ALDH6A1: variants seen among roughly 807,000 people sequenced by gnomAD.
ALDH6A1 encodes the protein methylmalonate-semialdehyde/malonate-semialdehyde dehydrogenase [acylating], mitochondrial.
In ALDH6A1, 43 loss-of-function variants were observed where a neutral mutation model predicts 62.6. That is an observed-to-expected ratio of 0.69 (90% CI 0.54 to 0.89). The LOEUF is 0.89. ALDH6A1 is among the 40% of genes least tolerant of loss of function. The pLI, the probability that ALDH6A1 is intolerant of heterozygous loss-of-function variation, is 0.00. For synonymous variants in ALDH6A1, 194 were observed against 234.2 expected (o/e 0.83, Z 1.57); for missense variants, 551 against 661.3 (o/e 0.83, Z 1.83).
chr14:74,073,989 A>AT (rs5809644), intron 2 of ALDH6A1, among the ~76,000 whole-genome samples: 137 of 144,576 alleles, frequency 9.5e-4, no homozygotes, highest in Admixed American at 1.5e-3. Context: ...ACTTTAACTA[A>AT]TTTTTTTTTT....
chr14:74,062,514 T>C (rs923726818), intron 11 of ALDH6A1, among the ~76,000 whole-genome samples: 1 of 152,040 alleles, frequency 6.6e-6, no homozygotes, highest in African/African-American at 2.4e-5. Context: ...GATACGAGAA[T>C]TGCTTGAACC....
chr14:74,079,426 ATTG>A (rs1328871963), intron 1 of ALDH6A1, among the ~76,000 whole-genome samples: 9 of 128,722 alleles, frequency 7.0e-5, no homozygotes, highest in African/African-American at 2.8e-4. Context: ...TTTTTTTCTT[ATTG>A]TTTTTTTTTT....
At chr14:74,074,860 T>C in intron 2 of ALDH6A1, 95 bp downstream of exon 2, 1 of 1,298,202 alleles carries the variant, frequency 7.7e-7, no homozygotes, top group South Asian at 1.2e-5. Flanking sequence ...AAGTTTCACA[T>C]ACACTCTGAT....
chr14:74,078,324 C>T lies in ALDH6A1; in HGVS notation c.49-3307G>A, dbSNP rs182022762. The T allele has an allele frequency of 9.8e-5, 44 of 450,584 alleles. No individual in the cohort carries two copies. The East Asian group carries it at 1.2e-3, about 12-fold the overall frequency. 27.9% of individuals were successfully genotyped at this position (450,584 alleles called of 1,614,324 possible). ...GAAAAGTGACCGAGACAGTGGTGCA[C>T]GATCAATATATGTGGACTGGATGAA... is the stretch of plus-strand genomic sequence containing the variant. On this transcript the variant is annotated intron_variant, in intron 1 of 11. Coordinates refer to ENST00000553458, the MANE Select transcript of ALDH6A1 (RefSeq NM_005589.4).
At chr14:74,080,057 A>C (rs550255995) in intron 1 of ALDH6A1, among the ~76,000 whole-genome samples, 1 of 151,648 alleles carries the variant, frequency 6.6e-6, no homozygotes, top group South Asian at 2.1e-4. Context: ...AAAACCAAAA[A>C]ACAAAAGCAA....
Position 74,057,060 on chromosome 14 carries a change from A to G in ALDH6A1, c.*3582T>C. 1 of 1,593,464 alleles carries G rather than the reference A, an allele frequency of 6.3e-7. No individual in the cohort carries two copies. The highest frequency in any genetic ancestry group is 8.6e-7 in the Non-Finnish European group (1 of 1,165,254). ...GGGCATCTTGAATGTGCTAATTGAA[A>G]GTAATATGACAAGTCTGTTATTCTA... On this transcript the variant is annotated 3_prime_UTR_variant, in exon 12 of 12. Transcript: ENST00000553458.
At position 74,060,525 on chromosome 14, in the gene ALDH6A1, T is replaced by G; in HGVS notation, c.*117A>C. ...GGGGGTTAATAGTCCTGAGGAAGAT[T>G]TTAGTTACAATGTATTCCAATCCCA... On this transcript the variant is annotated 3_prime_UTR_variant, in exon 12 of 12. Transcript: ENST00000553458. 2 of 824,440 alleles carry G rather than the reference T, an allele frequency of 2.4e-6. No individual in the cohort carries two copies. Among genetic ancestry groups the G allele is most frequent in the South Asian group, 1.4e-5 (1 of 71,876 alleles). 51.1% of individuals were successfully genotyped at this position (824,440 alleles called of 1,614,324 possible). A position where few individuals can be genotyped will look rare whatever the true frequency, so the allele number is the denominator to read the frequency against.
chr14:74,074,816 G>C (rs1458356187), intron 2 of ALDH6A1, 139 bp downstream of exon 2: 3 of 849,590 alleles, frequency 3.5e-6, no homozygotes, highest in Non-Finnish European at 3.8e-6. Context: ...TCCATTTCAG[G>C]AGGGAAATAA....
At position 74,057,861 on chromosome 14, in the gene ALDH6A1, G is replaced by C. The variant is rs530348209; in HGVS notation, c.*2781C>G. ...GAGCAGCAAATAGTTGGCCAGATGA[G>C]TTGTTTCTAATTAGAGCATCACAGT... is the stretch of plus-strand genomic sequence containing the variant. On this transcript the variant is annotated 3_prime_UTR_variant, in exon 12 of 12. Transcript: ENST00000553458. 1.9e-5 allele frequency: 20 copies of C among 1,030,724 alleles called. No homozygotes were observed. Among genetic ancestry groups the C allele is most frequent in the Non-Finnish European group, 2.2e-5 (19 of 857,028 alleles). The allele number at this position is 1,030,724 out of a possible 1,614,324, so 63.8% of individuals were successfully genotyped here.
chr14:74,075,190 C>A (rs1210550975), intron 1 of ALDH6A1, among the ~76,000 whole-genome samples, 173 bp from the exon 2 acceptor site: 1 of 152,016 alleles, frequency 6.6e-6, no homozygotes, highest in Non-Finnish European at 1.5e-5. Context: ...AAACTATGAA[C>A]AAACAATAAA....
chr14:74,070,898 C>A, intron 6 of ALDH6A1: 1 of 370,988 alleles, frequency 2.7e-6, no homozygotes, highest in South Asian at 2.8e-5. Flanking sequence ...AATTAAATAC[C>A]CTCATGTATT....
At chr14:74,064,593 C>T in intron 11 of ALDH6A1, 1 of 1,213,248 alleles carries the variant, frequency 8.2e-7, no homozygotes, top group South Asian at 1.2e-5. Context: ...AAGGCTTAGA[C>T]TTCCCCATGC....
In ALDH6A1 at chr14:74,064,810, C is replaced by T; in HGVS notation, c.1503+12G>A. The T allele has an allele frequency of 6.2e-7, 1 of 1,613,702 alleles. No individual in the cohort carries two copies. Among genetic ancestry groups the T allele is most frequent in the Non-Finnish European group, 8.5e-7 (1 of 1,179,644 alleles). ...TTAAAGGAAAAGACAAAAAATTTAA[C>T]TCAAAAGTTACCTGTTTGCCATAGA... On this transcript the variant is annotated intron_variant, in intron 11 of 11. Coordinates refer to ENST00000553458, the MANE Select transcript of ALDH6A1 (RefSeq NM_005589.4).
chr14:74,072,311 A>G lies in ALDH6A1; in HGVS notation c.240T>C (p.Asp80=). ...RVPQATKAEM[D]AAIASCKRAF... ...CACGTTTGCAGGAAGCAATGGCTGC[A>G]TCCATTTCTGCCTTGGTGGCCTGAG... The change falls in exon 4 of 12, where the codon GAT becomes GAC. Residue 80 remains aspartate (D), a synonymous_variant. Coordinates refer to ENST00000553458, the MANE Select transcript of ALDH6A1 (RefSeq NM_005589.4). 1 of 1,614,246 alleles carries G rather than the reference A, an allele frequency of 6.2e-7. No homozygotes were observed. Among genetic ancestry groups the G allele is most frequent in the Non-Finnish European group, 8.5e-7 (1 of 1,180,040 alleles).
At chr14:74,063,171 G>A (rs1161472272) in intron 11 of ALDH6A1, among the ~76,000 whole-genome samples, 1 of 151,548 alleles carries the variant, frequency 6.6e-6, no homozygotes, top group African/African-American at 2.4e-5. Flanking sequence ...TGGCCGATGT[G>A]GCAATAGTAA....
intron 1 of ALDH6A1, 121 bp downstream of exon 1, chr14:74,084,226 A>C: frequency 1.4e-6 from 2 of 1,430,888 alleles, no homozygotes; most frequent in Non-Finnish European, 1.9e-6. Flanking sequence ...CAGGTCGGGT[A>C]GGAGGTCTGG....
intron 2 of ALDH6A1, among the ~76,000 whole-genome samples, chr14:74,074,327 A>G (rs1566835005): frequency 7.0e-6 from 1 of 142,998 alleles, no homozygotes; most frequent in Non-Finnish European, 1.5e-5. Context: ...TCGCTCTGTC[A>G]TCAGGCTGGA....
chr14:74,076,633 T>C (rs978685903), intron 1 of ALDH6A1, among the ~76,000 whole-genome samples: 18 of 152,266 alleles, frequency 1.2e-4, no homozygotes, highest in African/African-American at 4.3e-4. Flanking sequence ...ACCTCCTGGG[T>C]TCAAGCTTTT....
intron 1 of ALDH6A1, among the ~76,000 whole-genome samples, chr14:74,079,875 G>A (rs1343953946): frequency 6.6e-6 from 1 of 151,998 alleles, no homozygotes; most frequent in Non-Finnish European, 1.5e-5. Flanking sequence ...GACCTCTACG[G>A]ATAATTTTAA....
Sources: allele counts gnomAD v4.1 joint callset (sites outside exome capture counted in the v4.1 genomes callset), GRCh38; gene constraint gnomAD v4.1.1; transcripts MANE v1.5; gene names NCBI Gene and HGNC (gene_info 2026-07-23, HGNC 2026-07-21).